Variants in LRPPRC observed in about 807,000 individuals in gnomAD.
The protein encoded by LRPPRC is leucine-rich PPR motif-containing protein, mitochondrial.
Under a neutral mutation model 180.3 loss-of-function variants are expected in LRPPRC, and 120 were observed. That is an observed-to-expected ratio of 0.67 (90% CI 0.57 to 0.77). The LOEUF is 0.77. Among genes scored for constraint, LRPPRC ranks in the 30% least tolerant of loss-of-function variants. The pLI is 0.00. For missense variants in LRPPRC, 2,012 were observed against 1,657.2 expected, an observed-to-expected ratio of 1.21 and a Z score of -3.72; for synonymous variants, 723 against 600.0, an observed-to-expected ratio of 1.21 and a Z score of -3.00.
chr2:43,955,669 G>A (rs940772286), intron 14 of LRPPRC, among the ~76,000 whole-genome samples: 1 of 151,940 alleles, frequency 6.6e-6, no homozygotes, highest in Non-Finnish European at 1.5e-5. Context: ...GAGCCCGGGA[G>A]GTAAAGGCTG....
At chr2:43,929,421 G>A (rs62138287) in intron 25 of LRPPRC, among the ~76,000 whole-genome samples, 11,999 of 152,208 alleles carry the variant, frequency 0.079, 561 homozygotes, top group South Asian at 0.13. Flanking sequence ...TTTGATAAAT[G>A]TTAACTTTTA....
At chr2:43,988,948 C>T (rs1249145106) in intron 1 of LRPPRC, among the ~76,000 whole-genome samples, 1 of 152,100 alleles carries the variant, frequency 6.6e-6, no homozygotes, top group Non-Finnish European at 1.5e-5. Context: ...TGGCTCACTG[C>T]AGCTTTGAAC....
At chr2:43,890,365 A>G in intron 36 of LRPPRC, 1 of 470,022 alleles carries the variant, frequency 2.1e-6, no homozygotes, top group Non-Finnish European at 4.4e-6. Context: ...TCATTTTTCT[A>G]TTGTAAAATA....
chr2:43,968,577 T>A (rs1418522230), intron 11 of LRPPRC, among the ~76,000 whole-genome samples: 1 of 152,156 alleles, frequency 6.6e-6, no homozygotes, highest in Non-Finnish European at 1.5e-5. Context: ...CTTCTCTACA[T>A]AAAGAAAGCT....
intron 12 of LRPPRC, among the ~76,000 whole-genome samples, chr2:43,962,255 A>C (rs766013894): frequency 3.3e-5 from 5 of 152,212 alleles, no homozygotes; most frequent in Non-Finnish European, 5.9e-5. Flanking sequence ...ATATGTGGGA[A>C]AGTTACTTAA....
chr2:43,916,417 T>C (rs1572913932), intron 29 of LRPPRC, among the ~76,000 whole-genome samples: 2 of 152,286 alleles, frequency 1.3e-5, no homozygotes, highest in East Asian at 1.9e-4. Context: ...AAGGTGAAGA[T>C]GTCTTCAGGA....
intron 9 of LRPPRC, 41 bp downstream of exon 9, chr2:43,974,108 CT>C: frequency 1.3e-6 from 2 of 1,559,622 alleles, no homozygotes; most frequent in Non-Finnish European, 1.8e-6. Context: ...TCTTATTTCA[CT>C]GCCAATTACA....
intron 2 of LRPPRC, among the ~76,000 whole-genome samples, chr2:43,980,359 G>C (rs1027751316): frequency 1.3e-5 from 2 of 152,032 alleles, no homozygotes; most frequent in African/African-American, 4.8e-5. Flanking sequence ...TTTGAGACCA[G>C]CCTGACCAAC....
chr2:43,959,823 G>A (rs1461093049), intron 13 of LRPPRC, among the ~76,000 whole-genome samples: 6 of 152,174 alleles, frequency 3.9e-5, no homozygotes, highest in African/African-American at 7.2e-5. Flanking sequence ...GGCAGAGGAT[G>A]CAGTGAGTCA....
At chr2:43,970,008 A>C (rs1488253107) in intron 11 of LRPPRC, among the ~76,000 whole-genome samples, 1 of 152,124 alleles carries the variant, frequency 6.6e-6, no homozygotes, top group Non-Finnish European at 1.5e-5. Context: ...ATAATAACTT[A>C]ATTTTTTTCA....
chr2:43,975,874 C>T (rs957147323), intron 6 of LRPPRC, among the ~76,000 whole-genome samples: 38 of 152,214 alleles, frequency 2.5e-4, no homozygotes, highest in African/African-American at 7.9e-4. Context: ...TGAGCCACCA[C>T]GCCCGGCTTC....
chr2:43,949,922 T>G (rs1197489631), intron 15 of LRPPRC, among the ~76,000 whole-genome samples: 2 of 152,238 alleles, frequency 1.3e-5, no homozygotes, highest in Non-Finnish European at 2.9e-5. Context: ...TCTAAACTGA[T>G]TTATAAATTG....
rs1672998459 is a variant in LRPPRC at position 43,953,847 on chromosome 2, T to A, written c.1650-3247A>T. The stretch of plus-strand genomic sequence containing the variant: ...GAGCTTCTAGCTGGGCTTCTTCCAC[T>A]ACAATAGTATCAAAACTCTTCTCTT... On this transcript the variant is annotated intron_variant, in intron 14 of 37. Coordinates refer to ENST00000260665, the MANE Select transcript of LRPPRC (RefSeq NM_133259.4). Among the ~76,000 whole-genome samples the A allele has an allele frequency of 2.0e-5, 3 of 152,182 alleles. No homozygotes were observed. The South Asian group carries it at 6.2e-4, about 32-fold the overall frequency.
At chr2:43,917,508 G>A (rs560740097) in intron 29 of LRPPRC, among the ~76,000 whole-genome samples, 22 of 151,662 alleles carry the variant, frequency 1.5e-4, no homozygotes, top group African/African-American at 4.6e-4. Context: ...GAGTAATTCC[G>A]GCCAGGCATG....
rs1302741572 is a variant in LRPPRC at position 43,974,755 on chromosome 2, G to A, written c.868C>T (p.Leu290=). Residue 290 remains leucine, a synonymous_variant, in exon 8 of 38, where the codon CTG becomes TTG. Coordinates refer to ENST00000260665, the MANE Select transcript of LRPPRC (RefSeq NM_133259.4). The part of the protein sequence containing the change: ...KGDIDHVKQT[L]EKVEKSELHL... ...AGCTCGGACTTCTCCACCTTCTCCA[G>A]AGTCTATAGAGAGTTCCAGAAATTA... 1.2e-6 allele frequency: 2 copies of A among 1,613,092 alleles called. No individual in the cohort carries two copies. Among genetic ancestry groups the A allele is most frequent in the South Asian group, 1.1e-5 (1 of 91,042 alleles).
rs1341722946 is a variant in LRPPRC, at chr2:43,886,552, C to A, written c.*2048G>T. 1 of 151,250 alleles carries A rather than the reference C, an allele frequency of 6.6e-6. No homozygotes were observed. The highest frequency in any genetic ancestry group is 1.5e-5 in the Non-Finnish European group (1 of 67,408). The allele number at this position is 151,250 out of a possible 1,614,324, so 9.4% of individuals were successfully genotyped here. On this transcript the variant is annotated 3_prime_UTR_variant, in exon 38 of 38. Transcript: ENST00000260665. ...TTTGAACAGCTAGTCCTTTGTAACA[C>A]CCCCCCGCTGCTGCCGAGAGGGCTA...
chr2:43,943,955 T>C (rs562750360), intron 22 of LRPPRC, 61 bp from the exon 23 acceptor site: 2 of 1,194,130 alleles, frequency 1.7e-6, no homozygotes, highest in Non-Finnish European at 2.5e-6. Flanking sequence ...CAAACTGCTA[T>C]TAAAACAGCA....
rs116681792 is a variant in LRPPRC, at chr2:43,926,193, G to A, written c.2737-232C>T. On this transcript the variant is annotated intron_variant, in intron 25 of 37. Transcript: ENST00000260665. ...AAGACCTTTAAGTAAGAGTAGAAGA[G>A]AGCATAAAACACAAACTATGCTTAA... 2.0e-5 allele frequency among the ~76,000 whole-genome samples: 3 copies of A among 152,186 alleles called. No individual in the cohort carries two copies. The East Asian group carries it at 5.8e-4, about 29-fold the overall frequency.
At chr2:43,951,741 A>G (rs1365482760) in intron 14 of LRPPRC, among the ~76,000 whole-genome samples, 1 of 152,232 alleles carries the variant, frequency 6.6e-6, no homozygotes, top group African/African-American at 2.4e-5. Context: ...AGGTTTAAAA[A>G]TTCCAAAATA....
Sources: allele counts gnomAD v4.1 joint callset (sites outside exome capture counted in the v4.1 genomes callset), GRCh38; gene constraint gnomAD v4.1.1; transcripts MANE v1.5; gene names NCBI Gene and HGNC (gene_info 2026-07-23, HGNC 2026-07-21).